The following MYZAP variants were observed in gnomAD, a reference collection of about 807,000 sequenced individuals.
The protein encoded by MYZAP is myocardial zonula adherens protein.
In MYZAP, 66 loss-of-function variants were observed where a neutral mutation model predicts 69.4. The observed-to-expected ratio is 0.95, with a 90% CI of 0.78 to 1.17. The LOEUF (loss-of-function observed/expected upper bound fraction) is 1.17. MYZAP is among the 50% of genes most tolerant of loss of function. MYZAP has a pLI of 0.00. For missense variants in MYZAP, 611 were observed against 556.2 expected (o/e 1.10, Z -0.99); for synonymous variants, 256 against 205.9 (o/e 1.24, Z -2.09).
Position 57,591,910 on chromosome 15 carries a change from G to T in MYZAP, c.-125G>T, listed in dbSNP as rs1215591430. 1 of 897,666 alleles carries T rather than the reference G, an allele frequency of 1.1e-6. No individual in the cohort carries two copies. The allele number at this position is 897,666 out of a possible 1,614,324, so 55.6% of individuals were successfully genotyped here. A position where few individuals can be genotyped will look rare whatever the true frequency, so the allele number is the denominator to read the frequency against. Reference sequence around the variant, plus strand: ...CCCGGCCCCACCCCCGGGCCTTCGCGGTGCAGCTGAGGCTGCAAGTAGCCG... The same window carrying T: ...CCCGGCCCCACCCCCGGGCCTTCGCTGTGCAGCTGAGGCTGCAAGTAGCCG... On this transcript the variant is annotated 5_prime_UTR_variant, in exon 1 of 13. Transcript: ENST00000267853.
At chr15:57,609,112 T>A (rs2034945435) in intron 2 of MYZAP, among the ~76,000 whole-genome samples, 1 of 152,268 alleles carries the variant, frequency 6.6e-6, no homozygotes, top group African/African-American at 2.4e-5. Flanking sequence ...ATATAACATG[T>A]ATGTAGGCAC....
intron 1 of MYZAP, among the ~76,000 whole-genome samples, chr15:57,601,840 G>A (rs1471117853): frequency 6.6e-6 from 1 of 152,138 alleles, no homozygotes; most frequent in African/African-American, 2.4e-5. Context: ...TTTGCAGTCC[G>A]AGGACAACCC....
intron 11 of MYZAP, among the ~76,000 whole-genome samples, chr15:57,664,875 A>G (rs533554041): frequency 6.6e-6 from 1 of 152,308 alleles, no homozygotes; most frequent in South Asian, 2.1e-4. Flanking sequence ...TTATTGGTAA[A>G]TAGGAACTCT....
intron 6 of MYZAP, among the ~76,000 whole-genome samples, chr15:57,630,409 G>A (rs1030767895): frequency 1.3e-5 from 2 of 152,198 alleles, no homozygotes; most frequent in African/African-American, 2.4e-5. Context: ...GATCTGGGAC[G>A]TCAGAAGCCT....
chr15:57,619,823 C>T (rs944475507), intron 3 of MYZAP, among the ~76,000 whole-genome samples: 1 of 152,150 alleles, frequency 6.6e-6, no homozygotes, highest in Non-Finnish European at 1.5e-5. Flanking sequence ...AAACAGAGTC[C>T]AGAGTCCCAC....
At chr15:57,625,057 T>G (rs1285799403) in intron 4 of MYZAP, among the ~76,000 whole-genome samples, 1 of 143,966 alleles carries the variant, frequency 6.9e-6, no homozygotes, top group Non-Finnish European at 1.5e-5. Context: ...AAACAACTCT[T>G]TTTTTTTTTT....
chr15:57,675,154 T>C (rs1171891196), intron 12 of MYZAP, 86 bp downstream of exon 12: 1 of 1,194,800 alleles, frequency 8.4e-7, no homozygotes, highest in African/African-American at 1.5e-5. Context: ...CTTAGCAGAA[T>C]TGCATTCTTC....
intron 10 of MYZAP, among the ~76,000 whole-genome samples, chr15:57,641,583 G>A (rs987962328): frequency 2.0e-5 from 3 of 152,086 alleles, no homozygotes; most frequent in South Asian, 2.1e-4. Context: ...TAAAATTTAG[G>A]ATGCCATCAG....
intron 11 of MYZAP, among the ~76,000 whole-genome samples, chr15:57,673,789 T>A (rs1379300022): frequency 6.6e-6 from 1 of 152,170 alleles, no homozygotes; most frequent in Non-Finnish European, 1.5e-5. Flanking sequence ...TCAAAACAAA[T>A]GAGCTTCTGT....
At position 57,667,867 on chromosome 15, in the gene MYZAP, G is replaced by T. The variant is rs76356900; in HGVS notation, c.1203+6334G>T. On this transcript the variant is annotated intron_variant, in intron 11 of 12. Transcript: ENST00000267853. ...ATAACCACTACAATCAAGATAGAGAGAATTTCTATCACCCCACCAAAGATT... is the reference window on the plus strand; with the variant it reads ...ATAACCACTACAATCAAGATAGAGATAATTTCTATCACCCCACCAAAGATT... Among the ~76,000 whole-genome samples, 211 of 152,270 alleles carry T rather than the reference G, an allele frequency of 1.4e-3. 3 individuals carry two copies. In the East Asian group the frequency reaches 0.04, roughly 29 times the overall value.
intron 10 of MYZAP, among the ~76,000 whole-genome samples, chr15:57,651,821 G>A (rs2037741534): frequency 6.6e-6 from 1 of 152,196 alleles, no homozygotes. Flanking sequence ...AGATTGGGAA[G>A]CAGTTTAACC....
intron 12 of MYZAP, among the ~76,000 whole-genome samples, chr15:57,680,107 A>G (rs765903692): frequency 6.6e-6 from 1 of 152,196 alleles, no homozygotes; most frequent in Non-Finnish European, 1.5e-5. Flanking sequence ...AGTAACAGGC[A>G]TAGAATGTCC....
At position 57,674,992 on chromosome 15, in the gene MYZAP, G is replaced by C; in HGVS notation, c.1228G>C (p.Asp410His). ...GENNELQSRL[D>H]YLTETQAKTE... ...GAATAATGAACTACAAAGCAGGTTG[G>C]ACTATTTAACAGAAACCCAGGCCAA... Residue 410 changes from aspartate (D) to histidine (H), a missense_variant, in exon 12 of 13, where the codon GAC becomes CAC. Transcript: ENST00000267853. The C allele has an allele frequency of 6.2e-7, 1 of 1,613,456 alleles. No homozygotes were observed. The highest frequency in any genetic ancestry group is 8.5e-7 in the Non-Finnish European group (1 of 1,179,564).
intron 5 of MYZAP, 98 bp downstream of exon 5, chr15:57,625,990 C>G (rs1300948707): frequency 9.4e-7 from 1 of 1,058,442 alleles, no homozygotes; most frequent in Admixed American, 2.0e-5. Flanking sequence ...ATCCTTAGCT[C>G]ATGATTCAGA....
intron 10 of MYZAP, among the ~76,000 whole-genome samples, chr15:57,649,215 G>A (rs1252941373): frequency 6.6e-6 from 1 of 152,130 alleles, no homozygotes; most frequent in Non-Finnish European, 1.5e-5. Flanking sequence ...TAACTAGGAA[G>A]TATACGTAAA....
At chr15:57,666,781 C>G (rs80264762) in intron 11 of MYZAP, among the ~76,000 whole-genome samples, 6,563 of 152,204 alleles carry the variant, frequency 0.043, 169 homozygotes, top group Middle Eastern at 0.068. Context: ...CACAATATAC[C>G]TTTGTCACCA....
rs1172101890 is a variant in MYZAP at position 57,657,644 on chromosome 15, C to G, written c.1120-3806C>G. Among the ~76,000 whole-genome samples, 3 of 152,090 alleles carry G rather than the reference C, an allele frequency of 2.0e-5. No individual in the cohort carries two copies. The East Asian group carries it at 5.8e-4, about 29-fold the overall frequency. ...GACATTAAGGTTATTTAGTGCTAGA[C>G]ATTAATAGTCCATATTAATGGAAAT... On this transcript the variant is annotated intron_variant, in intron 10 of 12. Transcript: ENST00000267853.
At chr15:57,606,058 T>C (rs950740984) in intron 2 of MYZAP, among the ~76,000 whole-genome samples, 2 of 152,204 alleles carry the variant, frequency 1.3e-5, no homozygotes, top group African/African-American at 4.8e-5. Flanking sequence ...TAGAAAATCT[T>C]TGTTTTGTAA....
At chr15:57,662,855 C>A (rs1392761304) in intron 11 of MYZAP, among the ~76,000 whole-genome samples, 1 of 152,142 alleles carries the variant, frequency 6.6e-6, no homozygotes, top group Non-Finnish European at 1.5e-5. Flanking sequence ...TGAGGGGTTG[C>A]CTTACAGCAG....
Sources: gnomAD v4.1 joint callset for allele counts (sites outside exome capture counted in the v4.1 genomes callset) on GRCh38, gnomAD v4.1.1 for gene constraint, MANE v1.5 for transcripts, NCBI Gene and HGNC (gene_info 2026-07-23, HGNC 2026-07-21) for gene names.